Variants in ADAMTSL3 observed in about 807,000 individuals in gnomAD.
ADAMTSL3 encodes ADAMTS like 3, also known as ADAMTS-like protein 3.
ADAMTSL3 carries 128 observed loss-of-function variants against 201.7 expected under a neutral mutation model. The ratio of observed to expected loss-of-function variants is 0.63; its 90% CI spans 0.55 to 0.73. The LOEUF (loss-of-function observed/expected upper bound fraction) is 0.73, where lower values mean the gene tolerates loss of function less well. Ranked by LOEUF, ADAMTSL3 falls within the 30% of genes least tolerant of loss-of-function variation. ADAMTSL3 has a pLI of 0.00. For synonymous variants in ADAMTSL3, 738 were observed against 748.4 expected, an observed-to-expected ratio of 0.99 and a Z score of 0.23; for missense variants, 1,990 against 2,119.6, an observed-to-expected ratio of 0.94 and a Z score of 1.20.
chr15:83,823,660 T>C (rs939722111), intron 6 of ADAMTSL3, among the ~76,000 whole-genome samples: 6 of 152,228 alleles, frequency 3.9e-5, no homozygotes, highest in African/African-American at 1.4e-4. Context: ...TTCTGTTCTG[T>C]TCTCCGAGCT....
intron 19 of ADAMTSL3, among the ~76,000 whole-genome samples, chr15:83,948,997 T>C (rs2066710308): frequency 6.6e-6 from 1 of 152,160 alleles, no homozygotes; most frequent in Admixed American, 6.6e-5. Flanking sequence ...GCATTTATCC[T>C]TTGTATAATA....
chr15:83,994,602 T>G (rs1218522263), intron 23 of ADAMTSL3, among the ~76,000 whole-genome samples: 26 of 131,274 alleles, frequency 2.0e-4, no homozygotes, highest in East Asian at 6.5e-4. Flanking sequence ...TTTTTTTTTT[T>G]TTTTTTTTTT....
chr15:83,695,461 C>T (rs924526596), intron 2 of ADAMTSL3, among the ~76,000 whole-genome samples: 12 of 152,004 alleles, frequency 7.9e-5, no homozygotes, highest in African/African-American at 2.9e-4. Flanking sequence ...GGGAAGCACT[C>T]GCAAGGCCCT....
chr15:83,885,287 G>T, intron 10 of ADAMTSL3, 75 bp downstream of exon 10: 1 of 1,208,864 alleles, frequency 8.3e-7, no homozygotes, highest in Non-Finnish European at 1.2e-6. Flanking sequence ...TTTTGAAGCT[G>T]ATTTTAAAAT....
intron 10 of ADAMTSL3, among the ~76,000 whole-genome samples, chr15:83,889,469 C>T (rs897849896): frequency 7.9e-5 from 12 of 152,196 alleles, no homozygotes; most frequent in African/African-American, 1.4e-4. Flanking sequence ...AAGTGGAAAA[C>T]GGAACAAGAT....
At position 83,819,914 on chromosome 15, in the gene ADAMTSL3, A is replaced by T; in HGVS notation, c.467A>T (p.Asp156Val). 6.2e-7 allele frequency: 1 copy of T among 1,614,012 alleles called. No homozygotes were observed. Among genetic ancestry groups the T allele is most frequent in the East Asian group, 2.2e-5 (1 of 44,878 alleles). Residue 156 changes from aspartate to valine, a missense_variant, in exon 6 of 30, where the codon GAT becomes GTT. Coordinates refer to ENST00000286744, the MANE Select transcript of ADAMTSL3 (RefSeq NM_207517.3). ...TATGAATGGCTTCCACGATATAATG[A>T]TCCTGCTGCCCCGTGTGCACTCAAG... The part of the protein sequence containing the change: ...HYYEWLPRYN[D>V]PAAPCALKCH...
intron 2 of ADAMTSL3, among the ~76,000 whole-genome samples, chr15:83,668,494 A>C (rs924467808): frequency 6.6e-6 from 1 of 150,766 alleles, no homozygotes; most frequent in Non-Finnish European, 1.5e-5. Context: ...ATTATTTTTT[A>C]TTTCTGTGTG....
chr15:83,772,509 T>G (rs1193991282), intron 3 of ADAMTSL3, among the ~76,000 whole-genome samples: 2 of 152,214 alleles, frequency 1.3e-5, no homozygotes, highest in African/African-American at 2.4e-5. Flanking sequence ...TAAACCAAAC[T>G]GTACTCATAA....
intron 23 of ADAMTSL3, among the ~76,000 whole-genome samples, chr15:84,006,389 A>C (rs904486142): frequency 1.3e-5 from 2 of 152,202 alleles, no homozygotes; most frequent in African/African-American, 2.4e-5. Flanking sequence ...TATAATATAT[A>C]TTTATTTAAA....
intron 16 of ADAMTSL3, 148 bp from the exon 17 acceptor site, chr15:83,923,756 C>A (rs1722042145): frequency 1.1e-6 from 1 of 900,574 alleles, no homozygotes; most frequent in Non-Finnish European, 1.6e-6. Flanking sequence ...GTTGTTTGTT[C>A]CCAGGTGTAC....
chr15:83,673,109 C>T (rs1332109192), intron 2 of ADAMTSL3, among the ~76,000 whole-genome samples: 2 of 152,236 alleles, frequency 1.3e-5, no homozygotes, highest in African/African-American at 4.8e-5. Context: ...GGCAGGCGGC[C>T]ATGATCTGGC....
At chr15:83,975,309 G>A (rs192474285) in intron 20 of ADAMTSL3, among the ~76,000 whole-genome samples, 85 of 151,914 alleles carry the variant, frequency 5.6e-4, no homozygotes, top group Non-Finnish European at 9.1e-4. Flanking sequence ...GCCAGCCTGC[G>A]TCTTTAGTTC....
chr15:83,721,364 G>A (rs1596086900), intron 3 of ADAMTSL3, among the ~76,000 whole-genome samples: 1 of 152,202 alleles, frequency 6.6e-6, no homozygotes, highest in East Asian at 1.9e-4. Flanking sequence ...TATCTGGCAT[G>A]TCTTATCATT....
intron 3 of ADAMTSL3, among the ~76,000 whole-genome samples, chr15:83,738,873 G>T (rs374964668): frequency 6.6e-6 from 1 of 151,856 alleles, no homozygotes; most frequent in African/African-American, 2.4e-5. Context: ...TCCAGCCTGG[G>T]TGATGGAGCA....
chr15:83,664,159 G>A (rs1249010763), intron 2 of ADAMTSL3, among the ~76,000 whole-genome samples: 1 of 152,090 alleles, frequency 6.6e-6, no homozygotes, highest in South Asian at 2.1e-4. Context: ...ATACCGAAAA[G>A]ATAAAAAGTT....
chr15:83,792,505 A>C (rs993013279), intron 4 of ADAMTSL3, among the ~76,000 whole-genome samples: 10 of 152,180 alleles, frequency 6.6e-5, no homozygotes, highest in African/African-American at 2.2e-4. Context: ...AAAACTAGAG[A>C]TATCAGTTGG....
At chr15:83,742,702 G>T (rs2062476296) in intron 3 of ADAMTSL3, among the ~76,000 whole-genome samples, 1 of 152,212 alleles carries the variant, frequency 6.6e-6, no homozygotes, top group African/African-American at 2.4e-5. Flanking sequence ...TGCTTTTCTT[G>T]TCTGGAAGCT....
At chr15:83,864,529 T>C (rs2064934566) in intron 8 of ADAMTSL3, among the ~76,000 whole-genome samples, 1 of 152,174 alleles carries the variant, frequency 6.6e-6, no homozygotes. Context: ...ATTATCTCAA[T>C]AGATGCAGAA....
intron 2 of ADAMTSL3, among the ~76,000 whole-genome samples, chr15:83,678,737 CTAATATATATATTATATATATATTGTG>C (rs1404055454): frequency 2.9e-4 from 39 of 134,362 alleles, no homozygotes; most frequent in African/African-American, 1.0e-3. Context: ...TATATATTGC[CTAATATATATATTATATATATATTGTG>C]TATATATATA....
Sources: gnomAD v4.1 joint callset for allele counts (sites outside exome capture counted in the v4.1 genomes callset) on GRCh38, gnomAD v4.1.1 for gene constraint, MANE v1.5 for transcripts, NCBI Gene and HGNC (gene_info 2026-07-23, HGNC 2026-07-21) for gene names.